The following RASAL2 variants were observed in gnomAD, a reference collection of about 807,000 sequenced individuals.
The protein encoded by RASAL2 is ras GTPase-activating protein nGAP.
RASAL2 carries 58 observed loss-of-function variants against 128.9 expected under a neutral mutation model. The observed-to-expected ratio is 0.45, with a 90% CI of 0.36 to 0.56. RASAL2 has a LOEUF of 0.56. Ranked by LOEUF, RASAL2 falls within the 20% of genes least tolerant of loss-of-function variation. RASAL2 has a pLI of 0.00. For missense variants in RASAL2, 1,360 were observed against 1,601.6 expected, an observed-to-expected ratio of 0.85 and a Z score of 2.57; for synonymous variants, 561 against 580.8, an observed-to-expected ratio of 0.97 and a Z score of 0.49.
chr1:178,298,697 C>G (rs112416428), intron 2 of RASAL2, among the ~76,000 whole-genome samples: 6 of 152,290 alleles, frequency 3.9e-5, no homozygotes, highest in South Asian at 2.1e-4. Context: ...TAATGTCTCC[C>G]TCATAATGTC....
At chr1:178,213,629 A>G (rs1368975187) in intron 1 of RASAL2, among the ~76,000 whole-genome samples, 1 of 151,900 alleles carries the variant, frequency 6.6e-6, no homozygotes, top group East Asian at 1.9e-4. Context: ...AAAGGAGTAC[A>G]TAATGTATAA....
intron 3 of RASAL2, among the ~76,000 whole-genome samples, chr1:178,311,262 AC>A: frequency 6.6e-6 from 1 of 151,100 alleles, no homozygotes; most frequent in Non-Finnish European, 1.5e-5. Flanking sequence ...AAACACACAC[AC>A]ACACACACAC....
intron 1 of RASAL2, among the ~76,000 whole-genome samples, chr1:178,236,196 T>C (rs1664227750): frequency 6.6e-6 from 1 of 152,188 alleles, no homozygotes; most frequent in Non-Finnish European, 1.5e-5. Context: ...TAGCTAATTG[T>C]TACATCAGCT....
chr1:178,116,766 C>T (rs957633598), intron 1 of RASAL2, among the ~76,000 whole-genome samples: 1 of 152,076 alleles, frequency 6.6e-6, no homozygotes, highest in Admixed American at 6.6e-5. Flanking sequence ...CCCACCACCA[C>T]GCCTGGCTAA....
intron 3 of RASAL2, chr1:178,389,285 G>A (rs1359216073): frequency 8.1e-6 from 8 of 982,346 alleles, no homozygotes; most frequent in South Asian, 4.7e-5. Flanking sequence ...TTGAAGTGGC[G>A]ATGGGAAGCA....
intron 3 of RASAL2, among the ~76,000 whole-genome samples, chr1:178,363,183 G>GT (rs1184368294): frequency 4.6e-5 from 7 of 152,028 alleles, no homozygotes; most frequent in Non-Finnish European, 1.0e-4. Context: ...GTTATCTCTT[G>GT]TTTTTTTGAT....
In RASAL2 at chr1:178,193,301, T is replaced by C. The variant is rs114690081; in HGVS notation, c.203-90263T>C. On this transcript the variant is annotated intron_variant, in intron 1 of 17. Coordinates refer to ENST00000367649, the MANE Select transcript of RASAL2 (RefSeq NM_170692.4). ...CATAGGATAAACGCAAGTCAGGTTA[T>C]TGAATGTTAAAGACCACAATAAATA... is the stretch of plus-strand genomic sequence containing the variant. 1.1e-3 allele frequency among the ~76,000 whole-genome samples: 166 copies of C among 152,308 alleles called. 1 individual carries two copies. The highest frequency in any genetic ancestry group is 3.7e-3 in the African/African-American group (155 of 41,578).
At chr1:178,229,042 TTTAC>T (rs1322435676) in intron 1 of RASAL2, among the ~76,000 whole-genome samples, 1 of 152,190 alleles carries the variant, frequency 6.6e-6, no homozygotes, top group Admixed American at 6.5e-5. Flanking sequence ...CCATAAATCC[TTTAC>T]TTAGATTCAA....
chr1:178,156,767 A>G (rs1661099040), intron 1 of RASAL2, among the ~76,000 whole-genome samples: 1 of 152,160 alleles, frequency 6.6e-6, no homozygotes, highest in African/African-American at 2.4e-5. Context: ...CTTTTTTAAA[A>G]AACACAGCGA....
intron 1 of RASAL2, among the ~76,000 whole-genome samples, chr1:178,259,555 C>T (rs1665556869): frequency 3.9e-5 from 6 of 152,090 alleles, no homozygotes; most frequent in Admixed American, 3.9e-4. Context: ...AAAAGATGTC[C>T]GTCTTCCTAG....
At chr1:178,226,984 C>T (rs895390626) in intron 1 of RASAL2, among the ~76,000 whole-genome samples, 3 of 152,032 alleles carry the variant, frequency 2.0e-5, no homozygotes, top group African/African-American at 7.2e-5. Context: ...CAACTGTATC[C>T]AGCTGAAGCA....
At chr1:178,451,870 A>G (rs1343029272) in intron 10 of RASAL2, among the ~76,000 whole-genome samples, 155 bp downstream of exon 10, 3 of 152,210 alleles carry the variant, frequency 2.0e-5, no homozygotes, top group African/African-American at 7.2e-5. Context: ...TCCCTAATAC[A>G]GTCCCGTCTA....
chr1:178,301,462 T>C (rs114402325), intron 3 of RASAL2, among the ~76,000 whole-genome samples: 3,621 of 152,086 alleles, frequency 0.024, 67 homozygotes, highest in Middle Eastern at 0.058. Flanking sequence ...AGACAGAGAC[T>C]TGCTGTGTTG....
At chr1:178,356,207 C>A (rs1319694438) in intron 3 of RASAL2, among the ~76,000 whole-genome samples, 2 of 149,510 alleles carry the variant, frequency 1.3e-5, no homozygotes, top group Non-Finnish European at 3.0e-5. Context: ...GATACCCCCA[C>A]ATAATCTCCA....
intron 1 of RASAL2, among the ~76,000 whole-genome samples, chr1:178,171,120 C>T (rs977549740): frequency 1.3e-5 from 2 of 151,812 alleles, no homozygotes; most frequent in South Asian, 2.1e-4. Context: ...TTCCACAGAA[C>T]GTATGGAGTA....
intron 3 of RASAL2, among the ~76,000 whole-genome samples, chr1:178,386,586 A>G (rs943878790): frequency 1.4e-4 from 21 of 152,174 alleles, no homozygotes; most frequent in African/African-American, 5.1e-4. Context: ...TTAAAACTTA[A>G]CCAGGCTTTT....
At chr1:178,168,545 C>G (rs1022695520) in intron 1 of RASAL2, among the ~76,000 whole-genome samples, 1 of 152,024 alleles carries the variant, frequency 6.6e-6, no homozygotes, top group Non-Finnish European at 1.5e-5. Flanking sequence ...ATGATATTCT[C>G]TAGACCTAAA....
intron 1 of RASAL2, among the ~76,000 whole-genome samples, chr1:178,150,279 C>T (rs946679935): frequency 6.6e-6 from 1 of 152,066 alleles, no homozygotes; most frequent in African/African-American, 2.4e-5. Flanking sequence ...ACCGCAACCT[C>T]CACCTCCTGG....
intron 1 of RASAL2, among the ~76,000 whole-genome samples, chr1:178,278,788 C>T (rs1468763148): frequency 6.6e-6 from 1 of 152,080 alleles, no homozygotes; most frequent in East Asian, 1.9e-4. Context: ...AGTTGCTTAT[C>T]CTCTAAGAAA....
Sources: gnomAD v4.1 joint callset for allele counts (sites outside exome capture counted in the v4.1 genomes callset) on GRCh38, gnomAD v4.1.1 for gene constraint, MANE v1.5 for transcripts, NCBI Gene and HGNC (gene_info 2026-07-23, HGNC 2026-07-21) for gene names.